The following MYO16 variants were observed in gnomAD, a reference collection of about 807,000 sequenced individuals.
MYO16 encodes the protein myosin XVI.
Under a neutral mutation model 205.3 loss-of-function variants are expected in MYO16, and 94 were observed. The ratio of observed to expected loss-of-function variants is 0.46; its 90% CI spans 0.39 to 0.54. The LOEUF (loss-of-function observed/expected upper bound fraction) is 0.54. MYO16 is among the 20% of genes least tolerant of loss of function. The pLI, the probability that MYO16 is intolerant of heterozygous loss-of-function variation, is 0.00. For missense variants in MYO16, 2,315 were observed against 2,387.5 expected (o/e 0.97, Z 0.63); for synonymous variants, 988 against 954.0 (o/e 1.04, Z -0.66).
the MYO16 span, among the ~76,000 whole-genome samples, chr13:108,551,364 A>T: frequency 6.6e-6 from 1 of 152,138 alleles, no homozygotes; most frequent in Non-Finnish European, 1.5e-5. Flanking sequence ...CTGCTTCTTC[A>T]GTCTGCACAC....
intron 28 of MYO16, among the ~76,000 whole-genome samples, chr13:109,104,723 C>T (rs1019034122): frequency 6.6e-6 from 1 of 152,178 alleles, no homozygotes; most frequent in Non-Finnish European, 1.5e-5. Flanking sequence ...AGCATCGCTG[C>T]ACCTTCGCAG....
intron 2 of MYO16, among the ~76,000 whole-genome samples, chr13:108,683,281 A>G (rs1314519204): frequency 6.6e-6 from 1 of 152,136 alleles, no homozygotes; most frequent in Non-Finnish European, 1.5e-5. Flanking sequence ...GTCCTCAATC[A>G]TTTACAATCC....
At chr13:109,123,659 A>G (rs149199077) in intron 29 of MYO16, among the ~76,000 whole-genome samples, 2 of 152,326 alleles carry the variant, frequency 1.3e-5, no homozygotes, top group Admixed American at 6.5e-5. Context: ...ATGCAACTGC[A>G]TTCCAACATA....
intron 11 of MYO16, among the ~76,000 whole-genome samples, chr13:108,856,759 T>G (rs1878195003): frequency 1.3e-5 from 2 of 152,182 alleles, no homozygotes. Context: ...TCTGGTTCTC[T>G]CCACCCCGGT....
intron 27 of MYO16, among the ~76,000 whole-genome samples, chr13:109,072,597 A>ACACACT (rs1424855684): frequency 5.4e-5 from 8 of 147,554 alleles, no homozygotes; most frequent in Non-Finnish European, 6.0e-5. Flanking sequence ...ACACACACAC[A>ACACACT]CACACTCACA....
chr13:108,505,045 A>C, the MYO16 span, among the ~76,000 whole-genome samples: 2 of 152,060 alleles, frequency 1.3e-5, no homozygotes, highest in African/African-American at 4.8e-5. Flanking sequence ...CATTTTCTTC[A>C]TCCACTTGTT....
intron 23 of MYO16, among the ~76,000 whole-genome samples, chr13:109,023,704 T>TATATATGCAAATATATGTATATATGC (rs1566468395): frequency 1.9e-5 from 2 of 104,378 alleles, no homozygotes; most frequent in Non-Finnish European, 3.9e-5. Flanking sequence ...TGTATATATG[T>TATATATGCAAATATATGTATATATGC]ATATATACAA....
intron 27 of MYO16, among the ~76,000 whole-genome samples, chr13:109,082,161 AGACT>A (rs1270657981): frequency 2.0e-5 from 3 of 152,168 alleles, no homozygotes; most frequent in Non-Finnish European, 4.4e-5. Context: ...CCATCGTCGT[AGACT>A]GACCAGTGAT....
intron 27 of MYO16, among the ~76,000 whole-genome samples, chr13:109,083,473 G>A (rs1384025101): frequency 2.0e-5 from 3 of 149,542 alleles, no homozygotes; most frequent in African/African-American, 7.4e-5. Context: ...TTGTCCATTG[G>A]GTCTGTGAGT....
At chr13:108,500,956 G>A in the MYO16 span, among the ~76,000 whole-genome samples, 1 of 152,070 alleles carries the variant, frequency 6.6e-6, no homozygotes, top group Non-Finnish European at 1.5e-5. Context: ...ACAACACCGA[G>A]GTGCTTGTTC....
chr13:108,738,713 A>G (rs7491760), intron 4 of MYO16, among the ~76,000 whole-genome samples: 25,390 of 152,132 alleles, frequency 0.17, 2,149 homozygotes, highest in Middle Eastern at 0.32. Flanking sequence ...TGTCTCGTTG[A>G]TCTGTGTAAT....
In MYO16 at chr13:108,850,071, T is replaced by C. The variant is rs150392576; in HGVS notation, c.1249-5372T>C. Among the ~76,000 whole-genome samples the C allele has an allele frequency of 6.8e-3, 1,037 of 151,818 alleles. 8 individuals carry two copies. The highest frequency in any genetic ancestry group is 9.5e-3 in the Non-Finnish European group (648 of 67,906). The stretch of plus-strand genomic sequence containing the variant: ...TTTTGTGTGTGTAACTTATCCATAC[T>C]GGGTTATTTGCGCCTAGACTGCCTT... On this transcript the variant is annotated intron_variant, in intron 10 of 34. Transcript: ENST00000457511.
At chr13:108,967,155 A>G (rs4319619) in intron 20 of MYO16, among the ~76,000 whole-genome samples, 16,987 of 124,504 alleles carry the variant, frequency 0.14, 1,105 homozygotes, top group African/African-American at 0.21. Flanking sequence ...GACTATATAT[A>G]TGTGTGTGTG....
chr13:109,072,820 G>A (rs551404914), intron 27 of MYO16, among the ~76,000 whole-genome samples: 156 of 152,274 alleles, frequency 1.0e-3, no homozygotes, highest in African/African-American at 3.7e-3. Flanking sequence ...TAAGGATGCC[G>A]TGACATTTCC....
chr13:109,024,876 C>T (rs1245578994), intron 23 of MYO16, among the ~76,000 whole-genome samples: 2 of 152,108 alleles, frequency 1.3e-5, no homozygotes, highest in South Asian at 2.1e-4. Flanking sequence ...AATGTAGACA[C>T]ATACACTTAA....
At chr13:108,923,636 ATGCGGCCGGGGTGTT>A (rs972161123) in intron 16 of MYO16, among the ~76,000 whole-genome samples, 2 of 152,192 alleles carry the variant, frequency 1.3e-5, no homozygotes, top group African/African-American at 4.8e-5. Context: ...CACTGCCCCA[ATGCGGCCGGGGTGTT>A]TGGGTCCGGA....
chr13:108,744,828 G>T (rs1203152548), intron 4 of MYO16, among the ~76,000 whole-genome samples: 1 of 152,164 alleles, frequency 6.6e-6, no homozygotes, highest in Non-Finnish European at 1.5e-5. Context: ...GCTGTTAGTG[G>T]CCTTTGAAGA....
chr13:108,657,464 G>A (rs1881295449), intron 1 of MYO16, among the ~76,000 whole-genome samples: 1 of 152,098 alleles, frequency 6.6e-6, no homozygotes. Flanking sequence ...AATTTTATCT[G>A]CAGCATATTT....
intron 29 of MYO16, among the ~76,000 whole-genome samples, 179 bp downstream of exon 29, chr13:109,120,645 T>C (rs1306053948): frequency 6.6e-6 from 1 of 152,232 alleles, no homozygotes; most frequent in Non-Finnish European, 1.5e-5. Context: ...TGTGGCTTAG[T>C]TTGCTATGCA....
Sources: allele counts gnomAD v4.1 joint callset (sites outside exome capture counted in the v4.1 genomes callset), GRCh38; gene constraint gnomAD v4.1.1; transcripts MANE v1.5; gene names NCBI Gene and HGNC (gene_info 2026-07-23, HGNC 2026-07-21).